HIRA: variants seen among roughly 807,000 people sequenced by gnomAD.
HIRA encodes the protein protein HIRA.
In HIRA, 13 loss-of-function variants were observed where a neutral mutation model predicts 126.6. That is an observed-to-expected ratio of 0.10 (90% CI 0.07 to 0.16). The LOEUF is 0.16. Among genes scored for constraint, HIRA ranks in the 10% least tolerant of loss-of-function variants. The pLI is 1.00. For missense variants in HIRA, 834 were observed against 1,314.4 expected, an observed-to-expected ratio of 0.63 and a Z score of 5.65; for synonymous variants, 511 against 520.0, an observed-to-expected ratio of 0.98 and a Z score of 0.24.
At chr22:19,337,209 A>T (rs781987659) in intron 24 of HIRA, among the ~76,000 whole-genome samples, 5 of 152,056 alleles carry the variant, frequency 3.3e-5, no homozygotes, top group Non-Finnish European at 7.4e-5. Context: ...AAGCTACTCA[A>T]GGAGATACCA....
chr22:19,396,236 C>T (rs2089222547), intron 7 of HIRA, among the ~76,000 whole-genome samples: 1 of 152,194 alleles, frequency 6.6e-6, no homozygotes, highest in African/African-American at 2.4e-5. Context: ...TAAATCCGGG[C>T]CAGGCGCAGT....
At chr22:19,392,413 G>A (rs1437604981) in intron 8 of HIRA, among the ~76,000 whole-genome samples, 199 bp from the exon 9 acceptor site, 1 of 152,234 alleles carries the variant, frequency 6.6e-6, no homozygotes, top group Non-Finnish European at 1.5e-5. Context: ...CAGAAAGTAT[G>A]TGCGGAGGCA....
At chr22:19,386,689 C>G (rs999338076) in intron 11 of HIRA, among the ~76,000 whole-genome samples, 2 of 152,178 alleles carry the variant, frequency 1.3e-5, no homozygotes, top group African/African-American at 4.8e-5. Context: ...AACATGGAGT[C>G]CCAGCCTGAC....
chr22:19,341,023 C>CA (rs2088621797), intron 24 of HIRA, among the ~76,000 whole-genome samples: 1 of 152,134 alleles, frequency 6.6e-6, no homozygotes, highest in African/African-American at 2.4e-5. Context: ...CTAAAATTCA[C>CA]AAGAAACCAC....
intron 1 of HIRA, among the ~76,000 whole-genome samples, chr22:19,421,373 A>G (rs1314003493): frequency 4.6e-5 from 7 of 151,910 alleles, no homozygotes; most frequent in Non-Finnish European, 8.8e-5. Flanking sequence ...TCTGTAAGGG[A>G]GGCTACACAC....
chr22:19,344,242 A>T (rs1207295548), intron 24 of HIRA, among the ~76,000 whole-genome samples: 5 of 152,208 alleles, frequency 3.3e-5, no homozygotes, highest in Non-Finnish European at 7.3e-5. Flanking sequence ...TGATTCTTTG[A>T]AAAGATGAAC....
In HIRA at chr22:19,359,451, C is replaced by T. The variant is rs1236868555; in HGVS notation, c.2119G>A (p.Glu707Lys). 6.2e-7 allele frequency: 1 copy of T among 1,609,754 alleles called. No individual in the cohort carries two copies. Among genetic ancestry groups the T allele is most frequent in the Admixed American group, 1.7e-5 (1 of 59,122 alleles). Residue 707 changes from glutamate to lysine, a missense_variant, in exon 18 of 25, where the codon GAG becomes AAG. Transcript: ENST00000263208. ...SSDPSMYIEV[E>K]NEVTVVGGVK... Reference sequence around the variant, plus strand: ...CCCCCCACCACTGTCACTTCATTCTCCACCTCAATGTACATGGAAGGATCG... The same window carrying T: ...CCCCCCACCACTGTCACTTCATTCTTCACCTCAATGTACATGGAAGGATCG...
intron 14 of HIRA, 28 bp from the exon 15 acceptor site, chr22:19,375,820 C>G: frequency 6.2e-7 from 1 of 1,612,168 alleles, no homozygotes; most frequent in Non-Finnish European, 8.5e-7. Flanking sequence ...GGAGGCATGT[C>G]AAGCGCAATC....
chr22:19,371,960 A>C (rs2088969807), intron 15 of HIRA, among the ~76,000 whole-genome samples: 1 of 152,162 alleles, frequency 6.6e-6, no homozygotes, highest in South Asian at 2.1e-4. Context: ...ATATGTTTTC[A>C]ATTCTCCTGG....
In HIRA at chr22:19,392,147, T is replaced by A. The variant is rs1266989139; in HGVS notation, c.890A>T (p.Tyr297Phe). The change falls in exon 9 of 25, where the codon TAC becomes TTC. Residue 297 changes from tyrosine to phenylalanine, a missense_variant. Physicochemically the swap from Tyr to Phe is conservative, Grantham distance 22. This residue lies in a region of HIRA where 153 missense variants were observed against 270.6 expected (regional missense o/e 0.57). Coordinates refer to ENST00000263208, the MANE Select transcript of HIRA (RefSeq NM_003325.4). ...NGSSAKPSCP[Y>F]CCCAVGSKDR... ...CTTGCTGCCAACAGCACAGCAGCAG[T>A]ACGGGCAGCTAGGCTTCGCAGAACT... is the stretch of plus-strand genomic sequence containing the variant. 1.2e-6 allele frequency: 2 copies of A among 1,608,660 alleles called. No individual in the cohort carries two copies. The highest frequency in any genetic ancestry group is 1.7e-6 in the Non-Finnish European group (2 of 1,175,628).
intron 6 of HIRA, 80 bp downstream of exon 6, chr22:19,397,912 T>C: frequency 1.0e-6 from 1 of 973,340 alleles, no homozygotes; most frequent in Non-Finnish European, 1.6e-6. Context: ...CCACCAAGAC[T>C]AAGGAGACAG....
intron 6 of HIRA, among the ~76,000 whole-genome samples, chr22:19,397,611 G>C (rs971029173): frequency 3.3e-5 from 5 of 152,158 alleles, no homozygotes; most frequent in Non-Finnish European, 7.3e-5. Context: ...TCAATCTTTT[G>C]CAAAACTGGG....
intron 5 of HIRA, chr22:19,399,091 T>C: frequency 1.0e-6 from 1 of 980,178 alleles, no homozygotes; most frequent in Non-Finnish European, 1.2e-6. Context: ...AAGGCATCGA[T>C]GAGGGTCCGC....
rs2088763305 is a variant in HIRA at position 19,351,987 on chromosome 22, G to C, written c.2849-541C>G. ...GAAAGGCTGGAGGTAGAGTGTCGGG[G>C]TTTGTCAGCACTTGGGGCAGCTAAA... On this transcript the variant is annotated intron_variant, in intron 23 of 24. Coordinates refer to ENST00000263208, the MANE Select transcript of HIRA (RefSeq NM_003325.4). The surrounding 1 kb of genome is among the most constrained non-coding windows in gnomAD (Gnocchi z 4.8). 6.6e-6 allele frequency among the ~76,000 whole-genome samples: 1 copy of C among 152,076 alleles called. No homozygotes were observed. The highest frequency in any genetic ancestry group is 1.5e-5 in the Non-Finnish European group (1 of 68,012).
At position 19,379,985 on chromosome 22, in the gene HIRA, T is replaced by A. The variant is rs534601209; in HGVS notation, c.1416-1919A>T. 2.0e-5 allele frequency among the ~76,000 whole-genome samples: 3 copies of A among 152,190 alleles called. No homozygotes were observed. The South Asian group carries it at 6.2e-4, about 32-fold the overall frequency. On this transcript the variant is annotated intron_variant, in intron 13 of 24. Coordinates refer to ENST00000263208, the MANE Select transcript of HIRA (RefSeq NM_003325.4). The stretch of plus-strand genomic sequence containing the variant: ...CACCACGCCCAGCTAATTTTTATAT[T>A]TTTTAGTAGAGACGGGGTTTCACCA...
intron 18 of HIRA, among the ~76,000 whole-genome samples, chr22:19,358,994 C>A (rs2088838872): frequency 1.3e-5 from 2 of 152,120 alleles, no homozygotes; most frequent in African/African-American, 4.8e-5. Context: ...AGGAACCAGC[C>A]CAGGTCAAGG....
intron 9 of HIRA, among the ~76,000 whole-genome samples, chr22:19,389,485 C>T (rs184857741): frequency 4.1e-4 from 63 of 152,252 alleles, no homozygotes; most frequent in Admixed American, 4.0e-3. Flanking sequence ...TGGGGCTGAG[C>T]GTCCCAGTGC....
chr22:19,377,787 A>G, intron 14 of HIRA, 82 bp downstream of exon 14: 3 of 1,269,658 alleles, frequency 2.4e-6, no homozygotes, highest in Non-Finnish European at 3.2e-6. Context: ...AAGTGCAAAC[A>G]GAATAAAATT....
chr22:19,347,928 G>A (rs1218685771), intron 24 of HIRA, among the ~76,000 whole-genome samples: 1 of 152,184 alleles, frequency 6.6e-6, no homozygotes, highest in Non-Finnish European at 1.5e-5. Context: ...GACAGAGCGA[G>A]ACTCCGTCTC....
Sources: allele counts gnomAD v4.1 joint callset (sites outside exome capture counted in the v4.1 genomes callset), GRCh38; gene constraint gnomAD v4.1.1; regional missense constraint gnomAD v4.1.1; non-coding constraint Gnocchi (gnomAD v3.1); transcripts MANE v1.5; gene names NCBI Gene and HGNC (gene_info 2026-07-23, HGNC 2026-07-21).